Variants in RYR2 observed in about 807,000 individuals in gnomAD.
RYR2 encodes ryanodine receptor 2.
Under a neutral mutation model 601.1 loss-of-function variants are expected in RYR2, and 227 were observed. The ratio of observed to expected loss-of-function variants is 0.38; its 90% CI spans 0.34 to 0.42. The LOEUF (loss-of-function observed/expected upper bound fraction) is 0.42, where lower values mean the gene tolerates loss of function less well. RYR2 is among the 10% of genes least tolerant of loss of function. The pLI, the probability that RYR2 is intolerant of heterozygous loss-of-function variation, is 1.00. For missense variants in RYR2, 4,646 were observed against 6,156.5 expected, an observed-to-expected ratio of 0.75 and a Z score of 8.21; for synonymous variants, 2,223 against 2,175.1, an observed-to-expected ratio of 1.02 and a Z score of -0.61.
rs1685555534 is a variant in RYR2, at chr1:237,678,081, C to T, written c.8864C>T (p.Pro2955Leu). ...GGSRGKGEHF[P>L]YEQEIKFFAK... ...AGCAGAGGCAAAGGAGAACATTTCC[C>T]TTATGAACAAGAAATCAAGTTCTTT... The change falls in exon 61 of 105, where the codon CCT becomes CTT. Residue 2955 changes from proline to leucine, a missense_variant. Coordinates refer to ENST00000366574, the MANE Select transcript of RYR2 (RefSeq NM_001035.3). 2 of 1,605,436 alleles carry T rather than the reference C, an allele frequency of 1.2e-6. No homozygotes were observed. The highest frequency in any genetic ancestry group is 4.5e-5 in the East Asian group (2 of 44,782).
At position 237,297,125 on chromosome 1, in the gene RYR2, G is replaced by C. The variant is rs544034124; in HGVS notation, c.168+26509G>C. On this transcript the variant is annotated intron_variant, in intron 2 of 104. Coordinates refer to ENST00000366574, the MANE Select transcript of RYR2 (RefSeq NM_001035.3). ...AAGGAACAAAACAGTTGCCAAAAAA[G>C]CAAACGATAAAAGTACATATATAAT... 8.5e-5 allele frequency among the ~76,000 whole-genome samples: 13 copies of C among 152,186 alleles called. No homozygotes were observed. The East Asian group carries it at 9.7e-4, about 11-fold the overall frequency.
intron 2 of RYR2, among the ~76,000 whole-genome samples, chr1:237,299,661 A>T (rs1693155973): frequency 6.6e-6 from 1 of 152,160 alleles, no homozygotes; most frequent in Non-Finnish European, 1.5e-5. Context: ...GCCGGCTAAT[A>T]AAAAGTTTTA....
chr1:237,751,352 G>A (rs920086397), intron 80 of RYR2, among the ~76,000 whole-genome samples: 5 of 152,142 alleles, frequency 3.3e-5, no homozygotes, highest in African/African-American at 1.2e-4. Flanking sequence ...CTAATGATGA[G>A]TCAACTTAAC....
At chr1:237,660,691 T>G in intron 55 of RYR2, 119 bp from the exon 56 acceptor site, 1 of 801,436 alleles carries the variant, frequency 1.2e-6, no homozygotes, top group Non-Finnish European at 1.8e-6. Context: ...TATTTTTAAA[T>G]AAGCTATGCT....
chr1:237,822,409 A>G (rs1662612117), intron 101 of RYR2, among the ~76,000 whole-genome samples: 1 of 152,226 alleles, frequency 6.6e-6, no homozygotes, highest in Admixed American at 6.5e-5. Flanking sequence ...TCAACTCAGA[A>G]TTTCACATCC....
chr1:237,731,450 G>A (rs531074968), intron 77 of RYR2, among the ~76,000 whole-genome samples: 45 of 152,174 alleles, frequency 3.0e-4, no homozygotes, highest in African/African-American at 8.7e-4. Flanking sequence ...TATTATTTAC[G>A]TATCATGCTG....
chr1:237,125,372 A>G (rs1461206400), intron 1 of RYR2, among the ~76,000 whole-genome samples: 1 of 151,806 alleles, frequency 6.6e-6, no homozygotes, highest in Non-Finnish European at 1.5e-5. Context: ...ACTCTCATCC[A>G]CAGAGGGGAA....
chr1:237,066,772 G>C (rs1663680113), intron 1 of RYR2, among the ~76,000 whole-genome samples: 1 of 151,798 alleles, frequency 6.6e-6, no homozygotes, highest in African/African-American at 2.4e-5. Flanking sequence ...CTCCTGAATA[G>C]CTGGGACTGC....
At chr1:237,631,613 A>ATTTTTTTTTTGTTTTTTTTTTTTTTT (rs1680264939) in intron 42 of RYR2, 72 bp downstream of exon 42, 1 of 191,274 alleles carries the variant, frequency 5.2e-6, no homozygotes, top group African/African-American at 6.8e-5. Flanking sequence ...TAGAATGCAG[A>ATTTTTTTTTTGTTTTTTTTTTTTTTT]TTTTTTTTTT....
chr1:237,699,456 C>G (rs182055071), intron 64 of RYR2, among the ~76,000 whole-genome samples: 1 of 142,992 alleles, frequency 7.0e-6, no homozygotes, highest in South Asian at 2.1e-4. Flanking sequence ...TGTAGGTAGA[C>G]GAATTCCCAT....
At chr1:237,390,093 T>C (rs1702255461) in intron 10 of RYR2, among the ~76,000 whole-genome samples, 1 of 149,472 alleles carries the variant, frequency 6.7e-6, no homozygotes, top group South Asian at 2.1e-4. Flanking sequence ...ACCAGGGAAG[T>C]TAGTCATTGA....
intron 29 of RYR2, among the ~76,000 whole-genome samples, chr1:237,571,046 G>A (rs980195561): frequency 3.9e-5 from 6 of 152,094 alleles, no homozygotes; most frequent in South Asian, 2.1e-4. Flanking sequence ...AGGATCACTC[G>A]AGTCCAGGGA....
chr1:237,796,515 CTCTT>C (rs1178307781), intron 96 of RYR2, among the ~76,000 whole-genome samples: 6 of 152,126 alleles, frequency 3.9e-5, no homozygotes, highest in Non-Finnish European at 7.4e-5. Context: ...TGTTCATAGG[CTCTT>C]TCTTTTGGTT....
chr1:237,780,225 A>T (rs1012026368), intron 88 of RYR2, among the ~76,000 whole-genome samples: 1 of 152,158 alleles, frequency 6.6e-6, no homozygotes, highest in African/African-American at 2.4e-5. Context: ...TCAAGGAGAG[A>T]ATGTCAGTAT....
intron 100 of RYR2, among the ~76,000 whole-genome samples, chr1:237,813,811 G>T (rs1558471329): frequency 6.6e-6 from 1 of 152,116 alleles, no homozygotes; most frequent in Non-Finnish European, 1.5e-5. Flanking sequence ...GACCAGCTCT[G>T]TTGTAGGTTT....
At chr1:237,719,640 G>A (rs755014235) in intron 73 of RYR2, among the ~76,000 whole-genome samples, 7 of 151,632 alleles carry the variant, frequency 4.6e-5, no homozygotes, top group South Asian at 2.1e-4. Flanking sequence ...GTTTTGCCCC[G>A]TGATCAACTC....
intron 38 of RYR2, among the ~76,000 whole-genome samples, chr1:237,621,922 A>G (rs893544218): frequency 1.3e-5 from 2 of 152,190 alleles, no homozygotes; most frequent in Non-Finnish European, 2.9e-5. Flanking sequence ...TGAAAAGGTA[A>G]CAGGAGGGAT....
Position 237,378,133 on chromosome 1 carries a change from G to A in RYR2, c.576+698G>A, listed in dbSNP as rs190459976. Among the ~76,000 whole-genome samples the A allele has an allele frequency of 1.5e-4, 23 of 152,202 alleles. No homozygotes were observed. The East Asian group carries it at 2.1e-3, about 14-fold the overall frequency. Reference sequence around the variant, plus strand: ...GACAAGAGACAAGAGCTTGTGCAGGGGAACTCCTCTTTTTAAAACCATTAG... The same window carrying A: ...GACAAGAGACAAGAGCTTGTGCAGGAGAACTCCTCTTTTTAAAACCATTAG... On this transcript the variant is annotated intron_variant, in intron 8 of 104. Transcript: ENST00000366574.
At chr1:237,098,207 G>A (rs956352778) in intron 1 of RYR2, among the ~76,000 whole-genome samples, 2 of 152,144 alleles carry the variant, frequency 1.3e-5, no homozygotes, top group Non-Finnish European at 2.9e-5. Context: ...TGATTCAGTC[G>A]ATATTGATTG....
Sources: gnomAD v4.1 joint callset for allele counts (sites outside exome capture counted in the v4.1 genomes callset) on GRCh38, gnomAD v4.1.1 for gene constraint, MANE v1.5 for transcripts, NCBI Gene and HGNC (gene_info 2026-07-23, HGNC 2026-07-21) for gene names.